Variants in NCAM2 observed in about 807,000 individuals in gnomAD.
NCAM2 encodes the protein N-CAM-2.
In NCAM2, 30 loss-of-function variants were observed where a neutral mutation model predicts 98.1. The observed-to-expected ratio is 0.31, with a 90% CI of 0.23 to 0.41. The LOEUF (loss-of-function observed/expected upper bound fraction) is 0.41, where lower values mean the gene tolerates loss of function less well. Among genes scored for constraint, NCAM2 ranks in the 10% least tolerant of loss-of-function variants. NCAM2 has a pLI of 1.00. For missense variants in NCAM2, 867 were observed against 1,005.8 expected (o/e 0.86, Z 1.87); for synonymous variants, 368 against 342.4 (o/e 1.07, Z -0.83).
At chr21:21,342,008 C>G (rs1184551943) in intron 8 of NCAM2, among the ~76,000 whole-genome samples, 1 of 151,910 alleles carries the variant, frequency 6.6e-6, no homozygotes, top group African/African-American at 2.4e-5. Flanking sequence ...TTTTTGTGCC[C>G]CCATAGTTAC....
At chr21:21,139,710 A>G (rs1280934628) in intron 1 of NCAM2, among the ~76,000 whole-genome samples, 1 of 152,184 alleles carries the variant, frequency 6.6e-6, no homozygotes, top group Non-Finnish European at 1.5e-5. Context: ...GCAGAAGTAT[A>G]TAAAATAAAT....
At chr21:21,423,211 C>T (rs542687731) in intron 11 of NCAM2, among the ~76,000 whole-genome samples, 1 of 152,178 alleles carries the variant, frequency 6.6e-6, no homozygotes, top group East Asian at 1.9e-4. Context: ...ATGGGAGGGA[C>T]TTGGCTGTTA....
intron 1 of NCAM2, among the ~76,000 whole-genome samples, chr21:21,068,160 G>A (rs1208120125): frequency 3.5e-5 from 5 of 141,508 alleles, no homozygotes; most frequent in South Asian, 2.2e-4. Context: ...TTTTTGAGAC[G>A]GAGTCTTGCT....
intron 5 of NCAM2, among the ~76,000 whole-genome samples, chr21:21,295,146 G>A (rs556057962): frequency 1.3e-5 from 2 of 151,652 alleles, no homozygotes; most frequent in South Asian, 2.1e-4. Context: ...CACATGCAGC[G>A]CTTCCTTGTC....
At chr21:21,053,902 A>G (rs1278855493) in intron 1 of NCAM2, among the ~76,000 whole-genome samples, 1 of 150,694 alleles carries the variant, frequency 6.6e-6, no homozygotes, top group Non-Finnish European at 1.5e-5. Context: ...GAACATTACT[A>G]TGAGTACATA....
At chr21:21,522,632 C>CT (rs61635255) in intron 16 of NCAM2, among the ~76,000 whole-genome samples, 36,781 of 124,406 alleles carry the variant, frequency 0.3, 6,534 homozygotes, top group African/African-American at 0.46. Flanking sequence ...TTTTCTTTTT[C>CT]TTTTTTTTTT....
chr21:21,460,533 C>T (rs1399279258), intron 12 of NCAM2, among the ~76,000 whole-genome samples: 1 of 151,938 alleles, frequency 6.6e-6, no homozygotes, highest in Non-Finnish European at 1.5e-5. Flanking sequence ...GAGCAGAGTG[C>T]ATTTGTAATA....
At chr21:21,068,674 G>C (rs1030711603) in intron 1 of NCAM2, among the ~76,000 whole-genome samples, 1 of 152,002 alleles carries the variant, frequency 6.6e-6, no homozygotes, top group Non-Finnish European at 1.5e-5. Context: ...TGGTCAGGCT[G>C]GTCTCGAACT....
chr21:21,184,790 A>G (rs535218557), intron 1 of NCAM2, among the ~76,000 whole-genome samples: 156 of 152,306 alleles, frequency 1.0e-3, no homozygotes, highest in African/African-American at 3.7e-3. Context: ...AATGAAATGA[A>G]TCAGCATTGA....
chr21:21,088,442 G>T (rs1420407133), intron 1 of NCAM2, among the ~76,000 whole-genome samples: 1 of 152,148 alleles, frequency 6.6e-6, no homozygotes, highest in Non-Finnish European at 1.5e-5. Context: ...GCTGGGTTGG[G>T]ATTCATTACA....
intron 1 of NCAM2, among the ~76,000 whole-genome samples, chr21:21,227,985 T>C (rs947879127): frequency 6.6e-6 from 1 of 151,598 alleles, no homozygotes; most frequent in Non-Finnish European, 1.5e-5. Context: ...TCCTGTGAGA[T>C]GAGAAAAATG....
At chr21:21,004,490 A>G (rs2064076510) in intron 1 of NCAM2, among the ~76,000 whole-genome samples, 1 of 152,182 alleles carries the variant, frequency 6.6e-6, no homozygotes, top group Non-Finnish European at 1.5e-5. Context: ...TTTTTGATAT[A>G]TTGTTGATTC....
At chr21:21,326,043 G>C (rs74561032) in intron 6 of NCAM2, among the ~76,000 whole-genome samples, 132 of 152,274 alleles carry the variant, frequency 8.7e-4, no homozygotes, top group African/African-American at 3.1e-3. Flanking sequence ...AATGTAAACT[G>C]TTCTGTGTAA....
chr21:21,381,985 C>T (rs181183596), intron 9 of NCAM2, among the ~76,000 whole-genome samples: 1 of 152,184 alleles, frequency 6.6e-6, no homozygotes, highest in African/African-American at 2.4e-5. Context: ...CTTGAGAATT[C>T]TACATTGACA....
At chr21:21,156,205 A>G (rs973973847) in intron 1 of NCAM2, among the ~76,000 whole-genome samples, 2 of 151,700 alleles carry the variant, frequency 1.3e-5, no homozygotes, top group African/African-American at 4.8e-5. Context: ...TTTCTGTCTC[A>G]TTATAAAGAA....
At chr21:21,337,093 T>C (rs2147868630) in intron 7 of NCAM2, among the ~76,000 whole-genome samples, 1 of 152,222 alleles carries the variant, frequency 6.6e-6, no homozygotes, top group Non-Finnish European at 1.5e-5. Context: ...ACCTACAAAA[T>C]TAAATAAGTA....
At chr21:21,220,265 A>C (rs968254500) in intron 1 of NCAM2, among the ~76,000 whole-genome samples, 15 of 152,294 alleles carry the variant, frequency 9.8e-5, no homozygotes, top group Middle Eastern at 6.8e-3. Flanking sequence ...TAGTCCTGCA[A>C]GTTCTATTCA....
At chr21:21,468,869 A>G (rs975787966) in intron 14 of NCAM2, 86 bp downstream of exon 14, 1 of 1,193,370 alleles carries the variant, frequency 8.4e-7, no homozygotes, top group Non-Finnish European at 1.2e-6. Flanking sequence ...ATCAGGAGAG[A>G]ATGTGTATTT....
chr21:21,523,975 C>T (rs1762630186), intron 16 of NCAM2, among the ~76,000 whole-genome samples: 2 of 151,510 alleles, frequency 1.3e-5, no homozygotes, highest in South Asian at 2.1e-4. Flanking sequence ...ATCTAAATAG[C>T]TCAATTGAAA....
Sources: allele counts gnomAD v4.1 joint callset (sites outside exome capture counted in the v4.1 genomes callset), GRCh38; gene constraint gnomAD v4.1.1; transcripts MANE v1.5; gene names NCBI Gene and HGNC (gene_info 2026-07-23, HGNC 2026-07-21).